RASGRF2: variants seen among roughly 807,000 people sequenced by gnomAD.
RASGRF2 encodes Ras protein specific guanine nucleotide releasing factor 2, also known as ras-specific guanine nucleotide-releasing factor 2.
Under a neutral mutation model 151.0 loss-of-function variants are expected in RASGRF2, and 76 were observed. The ratio of observed to expected loss-of-function variants is 0.50; its 90% CI spans 0.42 to 0.61. The LOEUF is 0.61. RASGRF2 is among the 20% of genes least tolerant of loss of function. The probability of loss-of-function intolerance (pLI) is 0.00; values close to 1 mark genes in which losing one functional copy is unlikely to be tolerated. For missense variants in RASGRF2, 1,148 were observed against 1,564.6 expected (o/e 0.73, Z 4.49); for synonymous variants, 504 against 566.5 (o/e 0.89, Z 1.57).
chr5:81,108,318 G>A (rs185632849), intron 12 of RASGRF2, among the ~76,000 whole-genome samples: 2 of 152,278 alleles, frequency 1.3e-5, no homozygotes, highest in East Asian at 1.9e-4. Flanking sequence ...AATAATGAAG[G>A]CAGAGAAAAT....
chr5:81,049,681 A>G (rs1475035434), intron 2 of RASGRF2, among the ~76,000 whole-genome samples: 1 of 152,070 alleles, frequency 6.6e-6, no homozygotes, highest in African/African-American at 2.4e-5. Context: ...GCTAAATACC[A>G]TGCTATGTGC....
At position 81,128,037 on chromosome 5, in the gene RASGRF2, G is replaced by A. The variant is rs537081249; in HGVS notation, c.2686+874G>A. ...TGTTACCTGAAATAAGCCAGGCACA[G>A]AACGGCAGATACTGCATGATCTCAC... On this transcript the variant is annotated intron_variant, in intron 17 of 26. Coordinates refer to ENST00000265080, the MANE Select transcript of RASGRF2 (RefSeq NM_006909.3). Among the ~76,000 whole-genome samples the A allele has an allele frequency of 4.0e-5, 6 of 151,656 alleles. No homozygotes were observed. In the South Asian group the frequency reaches 1.3e-3, roughly 32 times the overall value.
At position 81,068,039 on chromosome 5, in the gene RASGRF2, G is replaced by T. The variant is rs1212558904; in HGVS notation, c.403G>T (p.Asp135Tyr). 6.2e-7 allele frequency: 1 copy of T among 1,602,492 alleles called. No homozygotes were observed. Among genetic ancestry groups the T allele is most frequent in the East Asian group, 2.2e-5 (1 of 44,720 alleles). ...GTGTAATTTTCTCTCAAGTTATGCA[G>T]ACATTTTGATTGAGAGGGAAGTATT... The part of the protein sequence containing the change: ...MEAIHQASYA[D>Y]ILIEREVLMQ... The change falls in exon 3 of 27, where the codon GAC becomes TAC. Residue 135 changes from aspartate (D) to tyrosine (Y), a missense_variant. Around this residue, in one of 5 missense-constraint regions of RASGRF2, gnomAD observed 221 missense variants for 271.3 expected, o/e 0.81. Coordinates refer to ENST00000265080, the MANE Select transcript of RASGRF2 (RefSeq NM_006909.3).
chr5:81,137,733 G>A (rs531382489), intron 17 of RASGRF2, among the ~76,000 whole-genome samples: 6 of 152,326 alleles, frequency 3.9e-5, no homozygotes, highest in South Asian at 2.1e-4. Flanking sequence ...AAGAAACAAC[G>A]CGCTGACTCT....
intron 2 of RASGRF2, among the ~76,000 whole-genome samples, chr5:81,056,060 G>A (rs1751198291): frequency 6.6e-6 from 1 of 151,814 alleles, no homozygotes; most frequent in South Asian, 2.1e-4. Context: ...CAATTTTGTT[G>A]ATCTTTTCAA....
rs70994426 is a variant in RASGRF2 at position 81,168,309 on chromosome 5, CT to C, written c.2687-11847del. Among the ~76,000 whole-genome samples the C allele has an allele frequency of 4.2e-3, 486 of 115,976 alleles. 2 individuals are homozygous for C. Among genetic ancestry groups the C allele is most frequent in the African/African-American group, 0.014 (422 of 29,880 alleles). The allele number at this position is 115,976 out of a possible 152,430, so 76.1% of individuals were successfully genotyped here. Reference sequence around the variant, plus strand: ...ATGCCAGCGTCTTTTTTTTTCTTCTCTTTTTTTTTTTTTTTTTTTAAGACAG... The same window carrying C: ...ATGCCAGCGTCTTTTTTTTTCTTCTCTTTTTTTTTTTTTTTTTTAAGACAG... On this transcript the variant is annotated intron_variant, in intron 17 of 26. Transcript: ENST00000265080.
intron 1 of RASGRF2, among the ~76,000 whole-genome samples, chr5:80,977,731 A>G (rs1748171628): frequency 1.3e-5 from 2 of 152,210 alleles, no homozygotes; most frequent in African/African-American, 4.8e-5. Flanking sequence ...TGCTGGGATT[A>G]TAGGCGTAAG....
intron 17 of RASGRF2, among the ~76,000 whole-genome samples, chr5:81,149,175 C>T (rs1331940555): frequency 6.6e-6 from 1 of 152,232 alleles, no homozygotes; most frequent in Non-Finnish European, 1.5e-5. Context: ...GACACACGAT[C>T]ATGCATGTTT....
At chr5:81,077,876 G>T (rs542829513) in intron 5 of RASGRF2, among the ~76,000 whole-genome samples, 2 of 152,252 alleles carry the variant, frequency 1.3e-5, no homozygotes, top group East Asian at 3.9e-4. Flanking sequence ...GTTGCCTCTG[G>T]CTCTTTGTTT....
At chr5:81,112,041 T>C (rs548996894) in intron 13 of RASGRF2, among the ~76,000 whole-genome samples, 14 of 152,154 alleles carry the variant, frequency 9.2e-5, no homozygotes, top group Non-Finnish European at 1.9e-4. Flanking sequence ...ATGACTGAAT[T>C]AGAGAGAAGG....
intron 15 of RASGRF2, among the ~76,000 whole-genome samples, chr5:81,116,549 C>G (rs193063270): frequency 4.0e-4 from 61 of 151,846 alleles, no homozygotes; most frequent in African/African-American, 1.4e-3. Flanking sequence ...CCTAGAGAAT[C>G]TTTCTTCTCC....
chr5:80,977,419 G>T (rs960549560), intron 1 of RASGRF2, among the ~76,000 whole-genome samples: 1 of 151,956 alleles, frequency 6.6e-6, no homozygotes, highest in Non-Finnish European at 1.5e-5. Context: ...TATGTGAAAG[G>T]TGTTTGTAAA....
intron 10 of RASGRF2, 146 bp from the exon 11 acceptor site, chr5:81,094,150 T>G: frequency 4.9e-6 from 3 of 612,276 alleles, no homozygotes; most frequent in Non-Finnish European, 8.3e-6. Flanking sequence ...CATCTAAGTT[T>G]AATTTTGGGC....
At chr5:80,981,775 A>G (rs1340818951) in intron 1 of RASGRF2, among the ~76,000 whole-genome samples, 2 of 152,168 alleles carry the variant, frequency 1.3e-5, no homozygotes, top group Non-Finnish European at 2.9e-5. Flanking sequence ...CATGTTGGCC[A>G]GGCTGATTGC....
intron 17 of RASGRF2, among the ~76,000 whole-genome samples, chr5:81,156,389 C>A (rs1457133196): frequency 6.6e-6 from 1 of 152,086 alleles, no homozygotes; most frequent in Non-Finnish European, 1.5e-5. Context: ...CAAAGTCAGA[C>A]AAAGATACAA....
chr5:81,134,781 T>C (rs1203572099), intron 17 of RASGRF2, among the ~76,000 whole-genome samples: 1 of 152,180 alleles, frequency 6.6e-6, no homozygotes, highest in Non-Finnish European at 1.5e-5. Flanking sequence ...CCTTTATCTT[T>C]TGGTAGTTTT....
chr5:81,200,147 T>C (rs1469956222), intron 18 of RASGRF2, among the ~76,000 whole-genome samples: 1 of 151,686 alleles, frequency 6.6e-6, no homozygotes, highest in Admixed American at 6.6e-5. Flanking sequence ...GGCACACACC[T>C]GTAGTCCCAG....
At chr5:81,014,567 TG>T (rs1749570444) in intron 1 of RASGRF2, among the ~76,000 whole-genome samples, 1 of 152,178 alleles carries the variant, frequency 6.6e-6, no homozygotes, top group Non-Finnish European at 1.5e-5. Context: ...AGATGAGATT[TG>T]GGTTGGGAAA....
chr5:81,004,394 C>G (rs1749195778), intron 1 of RASGRF2, among the ~76,000 whole-genome samples: 1 of 152,170 alleles, frequency 6.6e-6, no homozygotes, highest in South Asian at 2.1e-4. Flanking sequence ...CAGTGGCTGA[C>G]CTACTGATCA....
Sources: gnomAD v4.1 joint callset for allele counts (sites outside exome capture counted in the v4.1 genomes callset) on GRCh38, gnomAD v4.1.1 for gene constraint, gnomAD v4.1.1 regional missense constraint, MANE v1.5 for transcripts, NCBI Gene and HGNC (gene_info 2026-07-23, HGNC 2026-07-21) for gene names.